Variants in KAT6A observed in about 807,000 individuals in gnomAD.
KAT6A encodes lysine acetyltransferase 6A.
In KAT6A, 9 loss-of-function variants were observed where a neutral mutation model predicts 198.4. That is an observed-to-expected ratio of 0.05 (90% CI 0.03 to 0.08). KAT6A has a LOEUF of 0.08. Among genes scored for constraint, KAT6A ranks in the 10% least tolerant of loss-of-function variants. The pLI, the probability that KAT6A is intolerant of heterozygous loss-of-function variation, is 1.00. For missense variants in KAT6A, 2,077 were observed against 2,509.9 expected, an observed-to-expected ratio of 0.83 and a Z score of 3.69; for synonymous variants, 890 against 883.0, an observed-to-expected ratio of 1.01 and a Z score of -0.14.
chr8:41,947,787 A>T lies in KAT6A; in HGVS notation c.1866T>A (p.Asp622Glu). Residue 622 changes from aspartate to glutamate, a missense_variant, in exon 11 of 17, where the codon GAT becomes GAA. Asp to Glu is a conservative substitution (Grantham distance 45). Around this residue, in one of 13 missense-constraint regions of KAT6A, gnomAD observed 127 missense variants for 209.6 expected, o/e 0.61. Transcript: ENST00000265713. ...AGCCAACAAGGTGGCAGCCCTTGACATCATTCTGTGTTAGTACATAAAAAA... is the reference window on the plus strand; with the variant it reads ...AGCCAACAAGGTGGCAGCCCTTGACTTCATTCTGTGTTAGTACATAAAAAA... ...PFLFYVLTQN[D>E]VKGCHLVGYF... The T allele has an allele frequency of 6.2e-7, 1 of 1,602,172 alleles. No individual in the cohort carries two copies. Among genetic ancestry groups the T allele is most frequent in the Non-Finnish European group, 8.5e-7 (1 of 1,177,154 alleles).
chr8:42,047,281 A>T (rs996840872), intron 2 of KAT6A, among the ~76,000 whole-genome samples: 1 of 152,234 alleles, frequency 6.6e-6, no homozygotes, highest in African/African-American at 2.4e-5. Flanking sequence ...AAATTCTCCT[A>T]ATCTCCAAAT....
intron 2 of KAT6A, among the ~76,000 whole-genome samples, chr8:41,992,334 C>G (rs1824988942): frequency 6.6e-6 from 1 of 152,090 alleles, no homozygotes; most frequent in South Asian, 2.1e-4. Context: ...CATGAACGGA[C>G]AGAGAGCAGA....
rs764135467 is a variant in KAT6A, at chr8:41,933,417, G to A, written c.4803C>T (p.Ser1601=). ...CCATCTGCTGAGTGACCACACAGCT[G>A]CTCTGGGTGAGGCTGCTGGAGGACG... The part of the protein sequence containing the change: ...GLSSSSSLTQ[S]SCVVTQQMAS... Residue 1601 remains serine (S), a synonymous_variant, in exon 17 of 17, where the codon AGC becomes AGT. Transcript: ENST00000265713. The surrounding 1 kb of genome is among the most constrained non-coding windows in gnomAD (Gnocchi z 6.2). The A allele has an allele frequency of 5.0e-6, 8 of 1,611,268 alleles. No individual in the cohort carries two copies. Among genetic ancestry groups the A allele is most frequent in the Non-Finnish European group, 6.8e-6 (8 of 1,179,324 alleles).
intron 13 of KAT6A, among the ~76,000 whole-genome samples, chr8:41,943,365 T>TA: frequency 6.6e-6 from 1 of 152,228 alleles, no homozygotes; most frequent in Non-Finnish European, 1.5e-5. Context: ...CTGTCTGTTC[T>TA]TCCTTTCAAT....
At chr8:42,044,224 C>A (rs944173766) in intron 2 of KAT6A, among the ~76,000 whole-genome samples, 2 of 151,562 alleles carry the variant, frequency 1.3e-5, no homozygotes, top group Non-Finnish European at 2.9e-5. Context: ...CCTCAGCCTA[C>A]CGAGTAGCTG....
intron 2 of KAT6A, among the ~76,000 whole-genome samples, chr8:42,018,712 C>G (rs1826383770): frequency 6.6e-6 from 1 of 152,082 alleles, no homozygotes; most frequent in Non-Finnish European, 1.5e-5. Flanking sequence ...CACCTGAGGT[C>G]AGAAGTTCGA....
At chr8:42,017,964 T>C (rs774575696) in intron 2 of KAT6A, among the ~76,000 whole-genome samples, 1 of 152,178 alleles carries the variant, frequency 6.6e-6, no homozygotes, top group Non-Finnish European at 1.5e-5. Flanking sequence ...GGAAACCATC[T>C]GAAAGACAAC....
chr8:41,969,662 G>A lies in KAT6A; in HGVS notation c.1482+5042C>T, dbSNP rs890111959. Among the ~76,000 whole-genome samples the A allele has an allele frequency of 8.6e-5, 13 of 152,042 alleles. 1 individual carries two copies. Among genetic ancestry groups the A allele is most frequent in the Admixed American group, 8.5e-4 (13 of 15,264 alleles). On this transcript the variant is annotated intron_variant, in intron 8 of 16. Transcript: ENST00000265713. ...TAGCCAAGAAAAACCATTTTTTAAT[G>A]AAACAGATCTTGCTGTTTCCTTGCT...
At position 41,977,333 on chromosome 8, in the gene KAT6A, C is replaced by T. The variant is rs1564034939; in HGVS notation, c.1044-6G>A. On this transcript the variant is annotated splice_polypyrimidine_tract_variant and splice_region_variant and intron_variant, in intron 6 of 16. Transcript: ENST00000265713. Reference sequence around the variant, plus strand: ...TGCTGAAGGGACCTTTTGATCTAAACAATTAAACAGGGGAAAGGGTAAGTA... The same window carrying T: ...TGCTGAAGGGACCTTTTGATCTAAATAATTAAACAGGGGAAAGGGTAAGTA... The T allele has an allele frequency of 5.6e-6, 9 of 1,604,254 alleles. No individual in the cohort carries two copies. The highest frequency in any genetic ancestry group is 1.1e-5 in the South Asian group (1 of 90,516).
chr8:42,047,568 A>C (rs1217175446), intron 2 of KAT6A, among the ~76,000 whole-genome samples: 1 of 151,914 alleles, frequency 6.6e-6, no homozygotes, highest in Non-Finnish European at 1.5e-5. Context: ...GCGCGCCCAT[A>C]CCTGGCTAAT....
intron 2 of KAT6A, among the ~76,000 whole-genome samples, 180 bp downstream of exon 2, chr8:42,048,198 T>A (rs1479603773): frequency 6.6e-6 from 1 of 152,142 alleles, no homozygotes; most frequent in African/African-American, 2.4e-5. Context: ...TTCAAATATT[T>A]CAAAGTACCA....
chr8:42,035,888 A>G (rs1375714391), intron 2 of KAT6A, among the ~76,000 whole-genome samples: 1 of 152,142 alleles, frequency 6.6e-6, no homozygotes, highest in Admixed American at 6.5e-5. Flanking sequence ...TCTGCCTGCT[A>G]AGGACTAAAA....
At chr8:42,004,785 G>A (rs757764545) in intron 2 of KAT6A, among the ~76,000 whole-genome samples, 3 of 152,038 alleles carry the variant, frequency 2.0e-5, no homozygotes, top group South Asian at 2.1e-4. Flanking sequence ...AATATTAGCC[G>A]GGTGTGGTGG....
At chr8:41,969,543 G>A (rs1319230457) in intron 8 of KAT6A, among the ~76,000 whole-genome samples, 2 of 152,064 alleles carry the variant, frequency 1.3e-5, no homozygotes, top group Non-Finnish European at 2.9e-5. Flanking sequence ...TCTAGTCCTA[G>A]CTAACATCTT....
At chr8:42,022,910 C>T (rs898156989) in intron 2 of KAT6A, among the ~76,000 whole-genome samples, 7 of 152,144 alleles carry the variant, frequency 4.6e-5, no homozygotes, top group South Asian at 2.1e-4. Context: ...AGTCATGTGT[C>T]GCTTAATGAT....
intron 2 of KAT6A, among the ~76,000 whole-genome samples, chr8:42,045,932 C>G (rs1054586291): frequency 4.0e-5 from 6 of 151,806 alleles, no homozygotes; most frequent in African/African-American, 1.5e-4. Flanking sequence ...TTGCAGTGAG[C>G]TGAGATCACA....
intron 2 of KAT6A, among the ~76,000 whole-genome samples, chr8:42,016,743 G>C (rs889925936): frequency 1.3e-5 from 2 of 151,902 alleles, no homozygotes; most frequent in Non-Finnish European, 1.5e-5. Context: ...TTTCTCCAAG[G>C]GTAGCACTTA....
At chr8:42,010,262 A>G (rs577469782) in intron 2 of KAT6A, among the ~76,000 whole-genome samples, 6 of 152,152 alleles carry the variant, frequency 3.9e-5, no homozygotes, top group Non-Finnish European at 8.8e-5. Flanking sequence ...CCAAGATCGC[A>G]CCACTGCACT....
Position 41,931,352 on chromosome 8 carries a change from C to T in KAT6A, c.*853G>A, listed in dbSNP as rs1217374075. On this transcript the variant is annotated 3_prime_UTR_variant, in exon 17 of 17. Coordinates refer to ENST00000265713, the MANE Select transcript of KAT6A (RefSeq NM_006766.5). ...CTCTTTTTGATTGTTAATTGACCAT[C>T]TCTATTCCTCCAAAGGCTGGATTTG... 1.4e-5 allele frequency: 3 copies of T among 217,044 alleles called. No individual in the cohort carries two copies. Among genetic ancestry groups the T allele is most frequent in the Non-Finnish European group, 2.8e-5 (3 of 107,674 alleles). 13.4% of individuals were successfully genotyped at this position (217,044 alleles called of 1,614,324 possible). A position where few individuals can be genotyped will look rare whatever the true frequency, so the allele number is the denominator to read the frequency against.
Sources: allele counts gnomAD v4.1 joint callset (sites outside exome capture counted in the v4.1 genomes callset), GRCh38; gene constraint gnomAD v4.1.1; regional missense constraint gnomAD v4.1.1; non-coding constraint Gnocchi (gnomAD v3.1); transcripts MANE v1.5; gene names NCBI Gene and HGNC (gene_info 2026-07-23, HGNC 2026-07-21).